Variants in PKN2 observed in about 807,000 individuals in gnomAD.
The protein encoded by PKN2 is serine/threonine-protein kinase N2.
Under a neutral mutation model 119.1 loss-of-function variants are expected in PKN2, and 38 were observed. The observed-to-expected ratio is 0.32, with a 90% confidence interval of 0.25 to 0.42. The LOEUF (loss-of-function observed/expected upper bound fraction) is 0.42. Ranked by LOEUF, PKN2 falls within the 10% of genes least tolerant of loss-of-function variation. The pLI, the probability that PKN2 is intolerant of heterozygous loss-of-function variation, is 1.00. For missense variants in PKN2, 850 were observed against 1,165.1 expected (o/e 0.73, Z 3.94); for synonymous variants, 390 against 384.9 (o/e 1.01, Z -0.15).
At chr1:88,784,597 T>A in intron 6 of PKN2, 42 bp from the exon 7 acceptor site, 1 of 1,256,878 alleles carries the variant, frequency 8.0e-7, no homozygotes, top group Non-Finnish European at 1.1e-6. Context: ...TTCCATAGAT[T>A]AAGGGTTGAT....
At chr1:88,765,465 T>G (rs376117164) in intron 3 of PKN2, among the ~76,000 whole-genome samples, 4 of 152,128 alleles carry the variant, frequency 2.6e-5, no homozygotes, top group African/African-American at 9.7e-5. Context: ...CAGTATTGCC[T>G]GTTTAAGCTT....
chr1:88,771,010 AGT>A (rs1337355498), intron 4 of PKN2, among the ~76,000 whole-genome samples: 1 of 151,714 alleles, frequency 6.6e-6, no homozygotes, highest in East Asian at 1.9e-4. Flanking sequence ...TAGATTATCA[AGT>A]ACTTACAATC....
intron 6 of PKN2, among the ~76,000 whole-genome samples, chr1:88,779,571 G>C (rs75828099): frequency 0.021 from 3,210 of 150,958 alleles, 109 homozygotes; most frequent in African/African-American, 0.072. Flanking sequence ...ACCTACAAAG[G>C]CTTCTTTTTT....
At chr1:88,710,836 G>A (rs566641014) in intron 1 of PKN2, among the ~76,000 whole-genome samples, 1 of 152,088 alleles carries the variant, frequency 6.6e-6, no homozygotes, top group Non-Finnish European at 1.5e-5. Context: ...CTATTATAAA[G>A]ACACATTCAC....
intron 3 of PKN2, among the ~76,000 whole-genome samples, chr1:88,764,220 T>A (rs1570594766): frequency 6.6e-6 from 1 of 152,164 alleles, no homozygotes; most frequent in South Asian, 2.1e-4. Flanking sequence ...GCAAGCACAC[T>A]CTTACCTCAG....
intron 3 of PKN2, among the ~76,000 whole-genome samples, chr1:88,769,453 G>A (rs1027654967): frequency 6.6e-6 from 1 of 152,076 alleles, no homozygotes; most frequent in African/African-American, 2.4e-5. Flanking sequence ...ATTGATCATA[G>A]TAAAGGAAAA....
chr1:88,734,073 A>G (rs1229055379), intron 1 of PKN2, among the ~76,000 whole-genome samples: 2 of 152,012 alleles, frequency 1.3e-5, no homozygotes, highest in Admixed American at 6.6e-5. Context: ...TGGGAGGATC[A>G]CTTGAGCTCA....
At chr1:88,706,808 ATT>A (rs2100676516) in intron 1 of PKN2, among the ~76,000 whole-genome samples, 1 of 152,186 alleles carries the variant, frequency 6.6e-6, no homozygotes, top group Non-Finnish European at 1.5e-5. Flanking sequence ...ATATGTGCTG[ATT>A]TCTTTTTGAC....
chr1:88,686,643 T>C (rs1274038437), intron 1 of PKN2, among the ~76,000 whole-genome samples: 1 of 152,144 alleles, frequency 6.6e-6, no homozygotes, highest in African/African-American at 2.4e-5. Flanking sequence ...TGATAAAAGT[T>C]ATTGCATTTA....
At chr1:88,822,947 A>C (rs1672355946) in intron 17 of PKN2, among the ~76,000 whole-genome samples, 1 of 152,168 alleles carries the variant, frequency 6.6e-6, no homozygotes, top group Non-Finnish European at 1.5e-5. Context: ...TCCTGGGCAC[A>C]GTGGCTCATG....
At chr1:88,795,693 T>TA (rs1671036790) in intron 8 of PKN2, among the ~76,000 whole-genome samples, 1 of 152,216 alleles carries the variant, frequency 6.6e-6, no homozygotes, top group Admixed American at 6.5e-5. Context: ...GAGCCAGTAA[T>TA]CAACACAAGC....
chr1:88,694,903 C>T (rs560243114), intron 1 of PKN2, among the ~76,000 whole-genome samples: 4 of 152,020 alleles, frequency 2.6e-5, no homozygotes, highest in African/African-American at 7.3e-5. Flanking sequence ...TTTTGAAGGC[C>T]AAGGCGGGCA....
intron 1 of PKN2, among the ~76,000 whole-genome samples, chr1:88,706,296 A>G (rs1343343823): frequency 6.6e-6 from 1 of 152,162 alleles, no homozygotes; most frequent in East Asian, 1.9e-4. Flanking sequence ...CATTCCTAGT[A>G]TATAGAAGTA....
At chr1:88,687,218 A>T (rs954686418) in intron 1 of PKN2, among the ~76,000 whole-genome samples, 3 of 152,124 alleles carry the variant, frequency 2.0e-5, no homozygotes, top group Non-Finnish European at 2.9e-5. Context: ...AATAGCATGG[A>T]GTAATGTTTT....
chr1:88,779,886 G>C (rs1557605844), intron 6 of PKN2, among the ~76,000 whole-genome samples: 1 of 152,118 alleles, frequency 6.6e-6, no homozygotes, highest in Non-Finnish European at 1.5e-5. Context: ...AGGCAACCTG[G>C]GATACCAAAG....
At chr1:88,802,352 G>T (rs900552797) in intron 8 of PKN2, among the ~76,000 whole-genome samples, 1 of 151,392 alleles carries the variant, frequency 6.6e-6, no homozygotes. Context: ...TTGAGACAGG[G>T]TCTCGCTCTG....
chr1:88,738,076 CAGAT>C (rs1668426325), intron 1 of PKN2, among the ~76,000 whole-genome samples: 1 of 151,970 alleles, frequency 6.6e-6, no homozygotes. Flanking sequence ...TTCTCTTTAT[CAGAT>C]AGAGGGAAGC....
rs183229409 is a variant in PKN2 at position 88,691,988 on chromosome 1, C to A, written c.48+7360C>A. On this transcript the variant is annotated intron_variant, in intron 1 of 21. Transcript: ENST00000370521. ...AGTGTAAATAGAGTTTAGTACTGTT[C>A]GTGGTTTTAGGCATTTACTGAAGGT... Among the ~76,000 whole-genome samples the A allele has an allele frequency of 6.6e-3, 972 of 147,594 alleles. 10 individuals carry two copies. Among genetic ancestry groups the A allele is most frequent in the South Asian group, 0.015 (69 of 4,620 alleles).
At chr1:88,723,416 C>A (rs539645725) in intron 1 of PKN2, among the ~76,000 whole-genome samples, 1 of 148,452 alleles carries the variant, frequency 6.7e-6, no homozygotes, top group East Asian at 2.0e-4. Context: ...CCCTGCCCCC[C>A]CCCCTTTTAT....
Sources: allele counts gnomAD v4.1 joint callset (sites outside exome capture counted in the v4.1 genomes callset), GRCh38; gene constraint gnomAD v4.1.1; transcripts MANE v1.5; gene names NCBI Gene and HGNC (gene_info 2026-07-23, HGNC 2026-07-21).